Variants in ZC3H6 observed in about 807,000 individuals in gnomAD.
The protein encoded by ZC3H6 is zinc finger CCCH-type containing 6, also known as zinc finger CCCH domain-containing protein 6.
Under a neutral mutation model 107.7 loss-of-function variants are expected in ZC3H6, and 40 were observed. The observed-to-expected ratio is 0.37, with a 90% CI of 0.29 to 0.48. ZC3H6 has a LOEUF of 0.48. Ranked by LOEUF, ZC3H6 falls within the 20% of genes least tolerant of loss-of-function variation. ZC3H6 has a pLI of 0.98. For synonymous variants in ZC3H6, 493 were observed against 487.9 expected, an observed-to-expected ratio of 1.01 and a Z score of -0.14; for missense variants, 1,267 against 1,410.4, an observed-to-expected ratio of 0.90 and a Z score of 1.63.
rs577542406 is a variant in ZC3H6, at chr2:112,300,109, T to C, written c.213+80T>C. The C allele has an allele frequency of 2.3e-5, 22 of 950,114 alleles. No homozygotes were observed. The East Asian group carries it at 7.0e-4, about 30-fold the overall frequency. 58.9% of individuals were successfully genotyped at this position (950,114 alleles called of 1,614,324 possible). A position where few individuals can be genotyped will look rare whatever the true frequency, so the allele number is the denominator to read the frequency against. On this transcript the variant is annotated intron_variant, in intron 2 of 11. Transcript: ENST00000409871. ...ACTGAAAATTAGAAAGTAGAAGTCATTATTTTATTATAAAACATGTGGATT... is the reference window on the plus strand; with the variant it reads ...ACTGAAAATTAGAAAGTAGAAGTCACTATTTTATTATAAAACATGTGGATT...
At chr2:112,310,300 G>T (rs1676571030) in intron 4 of ZC3H6, 139 bp downstream of exon 4, 5 of 839,186 alleles carry the variant, frequency 6.0e-6, no homozygotes, top group Non-Finnish European at 3.6e-6. Context: ...CTTTTATTTT[G>T]TAGACCTTGA....
At chr2:112,304,532 C>T (rs1349882148) in intron 3 of ZC3H6, among the ~76,000 whole-genome samples, 1 of 152,100 alleles carries the variant, frequency 6.6e-6, no homozygotes, top group Non-Finnish European at 1.5e-5. Flanking sequence ...TGCAGGAACC[C>T]CTGGTGTTTC....
intron 3 of ZC3H6, among the ~76,000 whole-genome samples, chr2:112,305,794 T>C (rs2104709293): frequency 6.6e-6 from 1 of 152,354 alleles, no homozygotes; most frequent in East Asian, 1.9e-4. Context: ...CTTTTCATTT[T>C]GTCATAATTT....
intron 1 of ZC3H6, among the ~76,000 whole-genome samples, chr2:112,276,375 C>T (rs1187937564): frequency 6.6e-6 from 1 of 151,784 alleles, no homozygotes; most frequent in Admixed American, 6.6e-5. Flanking sequence ...GGTGTCGGTG[C>T]TCCCGGCCAG....
At chr2:112,276,652 G>A (rs184954214) in intron 1 of ZC3H6, among the ~76,000 whole-genome samples, 2 of 152,086 alleles carry the variant, frequency 1.3e-5, no homozygotes, top group African/African-American at 2.4e-5. Context: ...GGATTATTCC[G>A]GCTAGCCCAA....
intron 5 of ZC3H6, among the ~76,000 whole-genome samples, chr2:112,312,956 G>T (rs1321442079): frequency 2.0e-5 from 3 of 151,908 alleles, no homozygotes; most frequent in Non-Finnish European, 2.9e-5. Context: ...TGATCTCTCA[G>T]TTTAAAGATA....
chr2:112,290,466 T>G (rs535065652), intron 1 of ZC3H6, among the ~76,000 whole-genome samples: 1 of 152,264 alleles, frequency 6.6e-6, no homozygotes, highest in East Asian at 1.9e-4. Context: ...ATAGCACCAT[T>G]TACCTACTTC....
At position 112,327,953 on chromosome 2, in the gene ZC3H6, G is replaced by A. The variant is rs567321093; in HGVS notation, c.2086+2756G>A. Among the ~76,000 whole-genome samples the A allele has an allele frequency of 5.9e-5, 9 of 152,014 alleles. 1 individual carries two copies. The highest frequency in any genetic ancestry group is 4.6e-4 in the Admixed American group (7 of 15,270). On this transcript the variant is annotated intron_variant, in intron 11 of 11. Transcript: ENST00000409871. Reference sequence around the variant, plus strand: ...GTGTCACTCTGTTGTACAGTGGTGCGATCTCGGCTCACCACAACCTCTGCC... The same window carrying A: ...GTGTCACTCTGTTGTACAGTGGTGCAATCTCGGCTCACCACAACCTCTGCC...
rs1167734639 is a variant in ZC3H6 at position 112,322,819 on chromosome 2, C to T, written c.1257C>T (p.Phe419=). 1 of 1,613,780 alleles carries T rather than the reference C, an allele frequency of 6.2e-7. No homozygotes were observed. ...SDPEDDFQTD[F]SDDFRKIPSL... ...CTGAAGACGATTTTCAGACAGATTT[C>T]TCTGATGATTTTAGGAAAATTCCAT... The change falls in exon 9 of 12, where the codon TTC becomes TTT. Residue 419 remains phenylalanine, a synonymous_variant. Coordinates refer to ENST00000409871, the MANE Select transcript of ZC3H6 (RefSeq NM_198581.3).
In ZC3H6 at chr2:112,276,016, G is replaced by C; in HGVS notation, c.22G>C (p.Gly8Arg). The C allele has an allele frequency of 6.5e-7, 1 of 1,541,658 alleles. No homozygotes were observed. The highest frequency in any genetic ancestry group is 2.5e-5 in the East Asian group (1 of 39,920). ...AAACATGACAGACTCTGAACATGCA[G>C]GGCACGACAGGTCGGGAACCCTTCT... Reference protein sequence around the residue: MTDSEHAGHDREDGELED... With the variant: MTDSEHARHDREDGELED... The change falls in exon 1 of 12, where the codon GGG becomes CGG. Residue 8 changes from glycine (G) to arginine (R), a missense_variant. Around this residue, in one of 3 missense-constraint regions of ZC3H6, gnomAD observed 337 missense variants for 361.2 expected, o/e 0.93. Transcript: ENST00000409871.
chr2:112,277,523 T>C (rs769105503), intron 1 of ZC3H6, among the ~76,000 whole-genome samples: 1 of 152,166 alleles, frequency 6.6e-6, no homozygotes, highest in Non-Finnish European at 1.5e-5. Flanking sequence ...ATAATTTTGC[T>C]GGTAAGGAAC....
intron 1 of ZC3H6, among the ~76,000 whole-genome samples, chr2:112,293,506 A>G (rs1186658977): frequency 1.3e-5 from 2 of 152,246 alleles, no homozygotes; most frequent in Admixed American, 1.3e-4. Flanking sequence ...ATGAAACTGT[A>G]AAGAGAAAAT....
intron 7 of ZC3H6, among the ~76,000 whole-genome samples, chr2:112,320,775 C>T (rs1676786562): frequency 6.6e-6 from 1 of 151,814 alleles, no homozygotes; most frequent in African/African-American, 2.4e-5. Context: ...AATATTTATA[C>T]CTCTTATTTA....
chr2:112,300,433 G>A (rs1676349963), intron 2 of ZC3H6, among the ~76,000 whole-genome samples: 1 of 152,130 alleles, frequency 6.6e-6, no homozygotes, highest in African/African-American at 2.4e-5. Flanking sequence ...TCAAACTGCT[G>A]GGCTCAAGTG....
intron 1 of ZC3H6, among the ~76,000 whole-genome samples, chr2:112,282,576 A>C (rs1238867851): frequency 1.3e-5 from 2 of 152,198 alleles, no homozygotes; most frequent in Non-Finnish European, 2.9e-5. Context: ...CAAGATCACA[A>C]AGTAAGTCAG....
At chr2:112,311,694 A>G (rs1409448975) in intron 4 of ZC3H6, 110 bp from the exon 5 acceptor site, 6 of 895,896 alleles carry the variant, frequency 6.7e-6, no homozygotes, top group African/African-American at 1.7e-5. Flanking sequence ...AGGAAAAAAA[A>G]GAATGCACTG....
At position 112,332,942 on chromosome 2, in the gene ZC3H6, T is replaced by C. The variant is rs1251921490; in HGVS notation, c.*454T>C. ...CTGATTAATATGTAATGCTACCTGCTAATTAAAATGTAAAATCAAGTAAAG... is the reference window on the plus strand; with the variant it reads ...CTGATTAATATGTAATGCTACCTGCCAATTAAAATGTAAAATCAAGTAAAG... On this transcript the variant is annotated 3_prime_UTR_variant, in exon 12 of 12. Transcript: ENST00000409871. The C allele has an allele frequency of 6.5e-6, 1 of 152,870 alleles. No homozygotes were observed. The highest frequency in any genetic ancestry group is 1.5e-5 in the Non-Finnish European group (1 of 68,184). The allele number at this position is 152,870 out of a possible 1,614,324, so 9.5% of individuals were successfully genotyped here. A position where few individuals can be genotyped will look rare whatever the true frequency, so the allele number is the denominator to read the frequency against.
At chr2:112,327,337 T>C (rs1676922612) in intron 11 of ZC3H6, among the ~76,000 whole-genome samples, 1 of 152,236 alleles carries the variant, frequency 6.6e-6, no homozygotes, top group African/African-American at 2.4e-5. Context: ...GAAATGTCTA[T>C]TCAGATATTT....
At chr2:112,304,496 T>G (rs1200478063) in intron 3 of ZC3H6, among the ~76,000 whole-genome samples, 1 of 152,188 alleles carries the variant, frequency 6.6e-6, no homozygotes, top group Non-Finnish European at 1.5e-5. Context: ...CTCACTGCTT[T>G]GTCCTAACAT....
Sources: gnomAD v4.1 joint callset for allele counts (sites outside exome capture counted in the v4.1 genomes callset) on GRCh38, gnomAD v4.1.1 for gene constraint, gnomAD v4.1.1 regional missense constraint, MANE v1.5 for transcripts, NCBI Gene and HGNC (gene_info 2026-07-23, HGNC 2026-07-21) for gene names.